Variants in CUL2 observed in about 807,000 individuals in gnomAD.
CUL2 encodes cullin-2.
Under a neutral mutation model 110.2 loss-of-function variants are expected in CUL2, and 22 were observed. The observed-to-expected ratio is 0.20, with a 90% confidence interval of 0.14 to 0.28. CUL2 has a LOEUF of 0.28. Ranked by LOEUF, CUL2 falls within the 10% of genes least tolerant of loss-of-function variation. The pLI, the probability that CUL2 is intolerant of heterozygous loss-of-function variation, is 1.00. For missense variants in CUL2, 631 were observed against 905.5 expected (o/e 0.70, Z 3.89); for synonymous variants, 279 against 293.2 (o/e 0.95, Z 0.49).
At chr10:35,078,405 C>T (rs965046800) in intron 1 of CUL2, among the ~76,000 whole-genome samples, 3 of 149,842 alleles carry the variant, frequency 2.0e-5, no homozygotes, top group Non-Finnish European at 4.4e-5. Context: ...GAGCAATTCT[C>T]CTGCCTCAGC....
chr10:35,014,044 C>T (rs1213099952), intron 18 of CUL2, among the ~76,000 whole-genome samples: 2 of 152,152 alleles, frequency 1.3e-5, no homozygotes, highest in African/African-American at 4.8e-5. Context: ...TGGGAATAAG[C>T]TATTTTCTGG....
At chr10:35,021,075 T>C (rs190780933) in intron 17 of CUL2, among the ~76,000 whole-genome samples, 15 of 151,168 alleles carry the variant, frequency 9.9e-5, no homozygotes, top group Non-Finnish European at 1.9e-4. Context: ...TAGATTACTA[T>C]GACCTTATTT....
At chr10:35,105,925 A>G (rs2087449601) in intron 1 of CUL2, among the ~76,000 whole-genome samples, 1 of 152,160 alleles carries the variant, frequency 6.6e-6, no homozygotes, top group African/African-American at 2.4e-5. Flanking sequence ...TTACACATAG[A>G]TAGCTAGGAA....
intron 5 of CUL2, among the ~76,000 whole-genome samples, chr10:35,051,374 G>A (rs557808248): frequency 0.011 from 1,690 of 151,786 alleles, 6 homozygotes; most frequent in Non-Finnish European, 0.017. Flanking sequence ...AGCACTTTGG[G>A]AGGCCGAGGC....
chr10:35,015,660 GA>G (rs1157258410), intron 18 of CUL2, among the ~76,000 whole-genome samples: 4 of 152,044 alleles, frequency 2.6e-5, no homozygotes, highest in East Asian at 1.9e-4. Flanking sequence ...AAGTTACAGA[GA>G]AAAAAAGTAA....
chr10:35,044,520 C>T, intron 8 of CUL2, 46 bp downstream of exon 8: 1 of 1,210,238 alleles, frequency 8.3e-7, no homozygotes. Context: ...TAAAACCAGG[C>T]CAGATACAAA....
intron 17 of CUL2, 43 bp from the exon 18 acceptor site, chr10:35,016,437 G>T: frequency 7.2e-7 from 1 of 1,393,932 alleles, no homozygotes; most frequent in Non-Finnish European, 9.9e-7. Context: ...ACCATTCAAA[G>T]AAACATTTCA....
At chr10:35,092,872 T>A (rs1298897565), upstream of CUL2, among the ~76,000 whole-genome samples, 1 of 144,500 alleles carries the variant, frequency 6.9e-6, no homozygotes, top group African/African-American at 2.4e-5. Context: ...GTGTGAACTT[T>A]GCTAAAGTGT....
chr10:35,037,262 A>G (rs375213225), intron 9 of CUL2, among the ~76,000 whole-genome samples: 1 of 152,210 alleles, frequency 6.6e-6, no homozygotes. Context: ...TTGACTGAGC[A>G]ATGCGTGTTG....
At chr10:35,049,515 G>T (rs2086038626) in intron 6 of CUL2, among the ~76,000 whole-genome samples, 168 bp downstream of exon 6, 1 of 151,522 alleles carries the variant, frequency 6.6e-6, no homozygotes, top group African/African-American at 2.4e-5. Context: ...AGAAGAAGAA[G>T]AAGAAAATAA....
intron 6 of CUL2, among the ~76,000 whole-genome samples, chr10:35,047,774 G>A (rs1156319760): frequency 2.6e-5 from 4 of 151,728 alleles, no homozygotes; most frequent in Non-Finnish European, 4.4e-5. Flanking sequence ...AAAATTAGCA[G>A]GGCGTGGTGG....
intron 3 of CUL2, among the ~76,000 whole-genome samples, chr10:35,062,193 C>T (rs1336456727): frequency 6.6e-6 from 1 of 152,140 alleles, no homozygotes; most frequent in Non-Finnish European, 1.5e-5. Context: ...TGTTTATACA[C>T]AGATCATGTC....
intron 2 of CUL2, among the ~76,000 whole-genome samples, chr10:35,064,850 C>CATGTAA (rs2086476839): frequency 6.6e-6 from 1 of 152,116 alleles, no homozygotes; most frequent in African/African-American, 2.4e-5. Context: ...ATATCCACTG[C>CATGTAA]ATGTAAATGT....
chr10:35,072,093 G>A (rs1022423858), intron 1 of CUL2, among the ~76,000 whole-genome samples: 1 of 152,078 alleles, frequency 6.6e-6, no homozygotes, highest in African/African-American at 2.4e-5. Context: ...GGGAATATGA[G>A]AAGACACAAG....
In CUL2 at chr10:35,031,348, C is replaced by A. The variant is rs1470079047; in HGVS notation, c.1338G>T (p.Gly446=). ...ARMLAKRLIH[G]LSMSMDSEEA... The stretch of plus-strand genomic sequence containing the variant: ...CTTCAGAGTCCATAGACATGGATAA[C>A]CCATGAATTAAACGTTTTGCCAGCA... Residue 446 remains glycine (G), a synonymous_variant, in exon 14 of 21, where the codon GGG becomes GGT. Coordinates refer to ENST00000374749, the MANE Select transcript of CUL2 (RefSeq NM_003591.4). This position sits in a 1 kb window ranked among gnomAD's most constrained non-coding sequence, Gnocchi z 4.4. 1 of 1,609,234 alleles carries A rather than the reference C, an allele frequency of 6.2e-7. No individual in the cohort carries two copies. Among genetic ancestry groups the A allele is most frequent in the South Asian group, 1.1e-5 (1 of 89,950 alleles).
At chr10:35,033,121 TAG>T (rs764168202) in intron 11 of CUL2, 43 bp downstream of exon 11, 22 of 1,173,678 alleles carry the variant, frequency 1.9e-5, no homozygotes, top group South Asian at 1.3e-4. Flanking sequence ...TAAAGAATGA[TAG>T]AGTTTTATGT....
chr10:35,014,486 A>G (rs1226148238), intron 18 of CUL2, among the ~76,000 whole-genome samples: 1 of 152,192 alleles, frequency 6.6e-6, no homozygotes, highest in Non-Finnish European at 1.5e-5. Flanking sequence ...GGAAGATGAA[A>G]TAATTCTCAA....
intron 2 of CUL2, among the ~76,000 whole-genome samples, chr10:35,098,901 TC>T (rs2087337830): frequency 6.6e-6 from 1 of 152,160 alleles, no homozygotes; most frequent in African/African-American, 2.4e-5. Flanking sequence ...ATCATTGCAC[TC>T]CAGCCTGGGC....
Position 35,110,499 on chromosome 10 carries a change from AG to A in CUL2, c.-50-9440del, listed in dbSNP as rs202130531. Reference sequence around the variant, plus strand: ...AGAATTGATTGTACCTGGGAGGTGGAGGTTGCAGTGAGCTAAGATCACACCA... The same window carrying A: ...AGAATTGATTGTACCTGGGAGGTGGAGTTGCAGTGAGCTAAGATCACACCA... On this transcript the variant is annotated intron_variant, in intron 1 of 5. Coordinates refer to the CUL2 transcript ENST00000685421. Among the ~76,000 whole-genome samples, 678 of 152,258 alleles carry A rather than the reference AG, an allele frequency of 4.5e-3. 7 individuals carry two copies. The highest frequency in any genetic ancestry group is 0.015 in the African/African-American group (627 of 41,538).
Sources: allele counts gnomAD v4.1 joint callset (sites outside exome capture counted in the v4.1 genomes callset), GRCh38; gene constraint gnomAD v4.1.1; non-coding constraint Gnocchi (gnomAD v3.1); transcripts MANE v1.5; gene names NCBI Gene and HGNC (gene_info 2026-07-23, HGNC 2026-07-21).